The following SLITRK5 variants were observed in gnomAD, a reference collection of about 807,000 sequenced individuals.
SLITRK5 encodes SLIT and NTRK-like protein 5.
Under a neutral mutation model 56.2 loss-of-function variants are expected in SLITRK5, and 23 were observed. The ratio of observed to expected loss-of-function variants is 0.41; its 90% CI spans 0.29 to 0.58. SLITRK5 has a LOEUF of 0.58. Among genes scored for constraint, SLITRK5 ranks in the 20% least tolerant of loss-of-function variants. The pLI is 0.30. For synonymous variants in SLITRK5, 637 were observed against 531.8 expected, an observed-to-expected ratio of 1.20 and a Z score of -2.72; for missense variants, 1,289 against 1,226.6, an observed-to-expected ratio of 1.05 and a Z score of -0.76.
chr13:87,677,632 G>A lies in SLITRK5; in HGVS notation c.2244G>A (p.Val748=), dbSNP rs904400797. The A allele has an allele frequency of 1.2e-5, 19 of 1,609,252 alleles. No homozygotes were observed. The highest frequency in any genetic ancestry group is 1.5e-5 in the Non-Finnish European group (18 of 1,176,618). The change falls in exon 2 of 2, where the codon GTG becomes GTA. Residue 748 remains valine (V), a synonymous_variant. Transcript: ENST00000683689. The surrounding 1 kb of genome is among the most constrained non-coding windows in gnomAD (Gnocchi z 4.7). ...AGGTGAAGACGCCCGCGGGCCACGT[G>A]TATGAATACATCCCCCACCCACTGG... ...LPKVKTPAGH[V]YEYIPHPLGH... is the part of the protein sequence containing the mutation.
Position 87,671,625 on chromosome 13 carries a change from GC to G in SLITRK5, c.-585del, listed in dbSNP as rs372839788. On this transcript the variant is annotated 5_prime_UTR_variant, in exon 1 of 2. Coordinates refer to ENST00000683689, the MANE Select transcript of SLITRK5 (RefSeq NM_001384609.1). ...GCATAGAACGACGCGGTTGCTGCCC[GC>G]CCCCCCCTTCCCCCAGAAACCCCAA... 2.4e-4 allele frequency among the ~76,000 whole-genome samples: 36 copies of G among 149,528 alleles called. No homozygotes were observed. Among genetic ancestry groups the G allele is most frequent in the Admixed American group, 5.3e-4 (8 of 14,994 alleles).
intron 1 of SLITRK5, among the ~76,000 whole-genome samples, 123 bp downstream of exon 1, chr13:87,672,332 C>A (rs1390072441): frequency 6.6e-6 from 1 of 152,086 alleles, no homozygotes; most frequent in Non-Finnish European, 1.5e-5. Flanking sequence ...GAGCGCTCGG[C>A]GGGGCTGACC....
chr13:87,676,801 G>T lies in SLITRK5; in HGVS notation c.1413G>T (p.Arg471Ser), dbSNP rs200806245. The T allele has an allele frequency of 2.2e-5, 36 of 1,614,074 alleles. No individual in the cohort carries two copies. The African/African-American group carries it at 4.5e-4, about 20-fold the overall frequency. ...ACCTGAATGGCAACAGGATCGAGAG[G>T]CTGAGCCCGGAGTTATTCTATGGCC... is the stretch of plus-strand genomic sequence containing the variant. ...RLYLNGNRIE[R>S]LSPELFYGLQ... The change falls in exon 2 of 2, where the codon AGG becomes AGT. Residue 471 changes from arginine to serine, a missense_variant. By Grantham distance (110) the Arg-to-Ser change is moderately radical. This residue lies in a region of SLITRK5 where 985 missense variants were observed against 906.0 expected (regional missense o/e 1.09). Coordinates refer to ENST00000683689, the MANE Select transcript of SLITRK5 (RefSeq NM_001384609.1).
rs375394816 is a variant in SLITRK5 at position 87,677,581 on chromosome 13, G to T, written c.2193G>T (p.Val731=). The change falls in exon 2 of 2, where the codon GTG becomes GTT. Residue 731 remains valine (V), a synonymous_variant. Coordinates refer to ENST00000683689, the MANE Select transcript of SLITRK5 (RefSeq NM_001384609.1). This position sits in a 1 kb window ranked among gnomAD's most constrained non-coding sequence, Gnocchi z 4.7. ...GGTGGHPHAH[V]HHRGPALPKV... ...CGGGCGGCCACCCACACGCGCACGT[G>T]CATCACCGCGGGCCCGCGCTGCCCA... 3 of 1,609,700 alleles carry T rather than the reference G, an allele frequency of 1.9e-6. No individual in the cohort carries two copies. Among genetic ancestry groups the T allele is most frequent in the Admixed American group, 1.7e-5 (1 of 59,870 alleles).
Position 87,677,160 on chromosome 13 carries a change from T to A in SLITRK5, c.1772T>A (p.Ile591Asn). Residue 591 changes from isoleucine (I) to asparagine (N), a missense_variant, in exon 2 of 2, where the codon ATC (isoleucine) becomes AAC (asparagine). Transcript: ENST00000683689. This position sits in a 1 kb window ranked among gnomAD's most constrained non-coding sequence, Gnocchi z 4.7. The stretch of plus-strand genomic sequence containing the variant: ...GTGGGCGTCCTAGTGGACGAGGTGA[T>A]CTGTAAGGCGCCCAAAAAATTCGCT... ...LKVGVLVDEV[I>N]CKAPKKFAET... The A allele has an allele frequency of 3.1e-6, 5 of 1,614,140 alleles. No individual in the cohort carries two copies. Among genetic ancestry groups the A allele is most frequent in the Non-Finnish European group, 4.2e-6 (5 of 1,180,020 alleles).
chr13:87,675,468 C>T lies in SLITRK5; in HGVS notation c.80C>T (p.Ala27Val), dbSNP rs768014176. ...KMHSWMLQTL[A>V]FAVTSLVLSC... ...CATAGCTGGATGCTGCAGACTCTAGCGTTTGCTGTAACATCTCTCGTCCTT... is the reference window on the plus strand; with the variant it reads ...CATAGCTGGATGCTGCAGACTCTAGTGTTTGCTGTAACATCTCTCGTCCTT... The change falls in exon 2 of 2, where the codon GCG becomes GTG. Residue 27 changes from alanine (A) to valine (V), a missense_variant. Physicochemically the swap from Ala to Val is moderately conservative, Grantham distance 64 (BLOSUM62 0). Transcript: ENST00000683689. 9.3e-6 allele frequency: 15 copies of T among 1,614,124 alleles called. No homozygotes were observed. In the South Asian group the frequency reaches 1.4e-4, roughly 15 times the overall value.
Position 87,671,818 on chromosome 13 carries a change from A to G in SLITRK5, c.-400A>G, listed in dbSNP as rs1877038926. Among the ~76,000 whole-genome samples, 1 of 151,926 alleles carries G rather than the reference A, an allele frequency of 6.6e-6. No individual in the cohort carries two copies. The highest frequency in any genetic ancestry group is 2.4e-5 in the African/African-American group (1 of 41,360). On this transcript the variant is annotated 5_prime_UTR_variant, in exon 1 of 2. Transcript: ENST00000683689. Reference sequence around the variant, plus strand: ...CGCGGCGGCGGCGGGCTCGGCGCGGAGACAGCGTCGGCGGGATCCCAGCGC... The same window carrying G: ...CGCGGCGGCGGCGGGCTCGGCGCGGGGACAGCGTCGGCGGGATCCCAGCGC...
chr13:87,676,728 T>A lies in SLITRK5; in HGVS notation c.1340T>A (p.Met447Lys), dbSNP rs1188065582. The A allele has an allele frequency of 5.6e-6, 9 of 1,613,972 alleles. No homozygotes were observed. Among genetic ancestry groups the A allele is most frequent in the African/African-American group, 1.3e-5 (1 of 74,908 alleles). ...LLHLGNNRIS[M>K]IQDRAFGDLT... Reference sequence around the variant, plus strand: ...CACCTGGGGAATAACCGCATCTCGATGATCCAGGACCGCGCTTTCGGGGAT... The same window carrying A: ...CACCTGGGGAATAACCGCATCTCGAAGATCCAGGACCGCGCTTTCGGGGAT... The change falls in exon 2 of 2, where the codon ATG (methionine) becomes AAG (lysine). Residue 447 changes from methionine (M) to lysine (K), a missense_variant. By Grantham distance (95) the Met-to-Lys change is moderately conservative. Around this residue, in one of 3 missense-constraint regions of SLITRK5, gnomAD observed 985 missense variants for 906.0 expected, o/e 1.09. Coordinates refer to ENST00000683689, the MANE Select transcript of SLITRK5 (RefSeq NM_001384609.1).
In SLITRK5 at chr13:87,677,881, C is replaced by T. The variant is rs540630942; in HGVS notation, c.2493C>T (p.Pro831=). 109 of 1,611,912 alleles carry T rather than the reference C, an allele frequency of 6.8e-5. No individual in the cohort carries two copies. In the Middle Eastern group the frequency reaches 1.2e-3, roughly 17 times the overall value. The part of the protein sequence containing the change: ...ERRESHHLRS[P]AYSVSTIEPR... ...GGGAAAGCCACCACTTGCGGAGCCC[C>T]GCCTACAGCGTCAGCACCATCGAGC... The change falls in exon 2 of 2, where the codon CCC becomes CCT. Residue 831 remains proline, a synonymous_variant. Coordinates refer to ENST00000683689, the MANE Select transcript of SLITRK5 (RefSeq NM_001384609.1). The surrounding 1 kb of genome is among the most constrained non-coding windows in gnomAD (Gnocchi z 4.7).
At chr13:87,673,007 G>A (rs1877110194) in intron 1 of SLITRK5, among the ~76,000 whole-genome samples, 1 of 150,588 alleles carries the variant, frequency 6.6e-6, no homozygotes. Context: ...GGGGAGCCTC[G>A]CGTCCTGGAA....
rs1165874564 is a variant in SLITRK5, at chr13:87,671,483, G to A, written c.-735G>A. Among the ~76,000 whole-genome samples the A allele has an allele frequency of 6.6e-6, 1 of 152,074 alleles. No individual in the cohort carries two copies. The highest frequency in any genetic ancestry group is 1.9e-4 in the East Asian group (1 of 5,140). On this transcript the variant is annotated 5_prime_UTR_variant, in exon 1 of 2. Transcript: ENST00000683689. ...TGGGCCCTGCACCCGCTCCGGAGCA[G>A]CTGTCTCAGAGACCCGGTGTTGCTT...
chr13:87,675,334 A>T (rs1593971957), intron 1 of SLITRK5, 47 bp from the exon 2 acceptor site: 5 of 1,405,256 alleles, frequency 3.6e-6, no homozygotes, highest in South Asian at 1.2e-5. Flanking sequence ...GATCCCTTAA[A>T]TTTTTGTCAT....
chr13:87,678,147 C>CG lies in SLITRK5; in HGVS notation c.2760dup (p.Ser921GlufsTer22). 1 of 1,614,168 alleles carries CG rather than the reference C, an allele frequency of 6.2e-7. No homozygotes were observed. The highest frequency in any genetic ancestry group is 8.5e-7 in the Non-Finnish European group (1 of 1,180,022). ...CGGGAACCGGTGCTCTACAGCCCCC[C>CG]GAGTGCTGTCTTTGTAGAACCCAAC... On this transcript the variant is annotated frameshift_variant, in exon 2 of 2. Transcript: ENST00000683689.
In SLITRK5 at chr13:87,679,046, T is replaced by C. The variant is rs975521396; in HGVS notation, c.*781T>C. ...CCTCTTTCCTTCACTATTTAGCCTATGATTTTGCAGAGGTGTCACACTGTA... is the reference window on the plus strand; with the variant it reads ...CCTCTTTCCTTCACTATTTAGCCTACGATTTTGCAGAGGTGTCACACTGTA... On this transcript the variant is annotated 3_prime_UTR_variant, in exon 2 of 2. Coordinates refer to ENST00000683689, the MANE Select transcript of SLITRK5 (RefSeq NM_001384609.1). 3 of 166,860 alleles carry C rather than the reference T, an allele frequency of 1.8e-5. No individual in the cohort carries two copies. Among genetic ancestry groups the C allele is most frequent in the Non-Finnish European group, 4.4e-5 (3 of 68,116 alleles). The allele number at this position is 166,860 out of a possible 1,614,324, so 10.3% of individuals were successfully genotyped here. A position where few individuals can be genotyped will look rare whatever the true frequency, so the allele number is the denominator to read the frequency against.
Position 87,672,459 on chromosome 13 carries a change from C to T in SLITRK5, c.-9+250C>T, listed in dbSNP as rs1200445223. ...CGCCCCGCCCGGCTCCGGCTCCCGG[C>T]CCCTACCGCGAGGCGCCTCTCCAGC... On this transcript the variant is annotated intron_variant, in intron 1 of 1. Coordinates refer to ENST00000683689, the MANE Select transcript of SLITRK5 (RefSeq NM_001384609.1). Among the ~76,000 whole-genome samples, 18 of 148,694 alleles carry T rather than the reference C, an allele frequency of 1.2e-4. No homozygotes were observed. The East Asian group carries it at 2.9e-3, about 24-fold the overall frequency.
chr13:87,679,214 C>T lies in SLITRK5; in HGVS notation c.*949C>T. ...TGCATTTTCTTTTAAGAAAACAGAG[C>T]TGATTGTATCCCAATGTATTTTAAA... On this transcript the variant is annotated 3_prime_UTR_variant, in exon 2 of 2. Coordinates refer to ENST00000683689, the MANE Select transcript of SLITRK5 (RefSeq NM_001384609.1). 6.0e-6 allele frequency: 1 copy of T among 167,102 alleles called. No homozygotes were observed. 10.4% of individuals were successfully genotyped at this position (167,102 alleles called of 1,614,324 possible).
At position 87,677,782 on chromosome 13, in the gene SLITRK5, GC is replaced by G. The variant is rs1566321832; in HGVS notation, c.2396del (p.Pro799ArgfsTer61). The part of the protein sequence containing the change: ...NHHLQQQQQP[P>X]PPPQQPQQQP... ...ACCACCTGCAGCAGCAGCAGCAGCCGCCGCCGCCACCGCAGCAGCCACAGCA... is the reference window on the plus strand; with the variant it reads ...ACCACCTGCAGCAGCAGCAGCAGCCGCGCCGCCACCGCAGCAGCCACAGCA... On this transcript the variant is annotated frameshift_variant, in exon 2 of 2. Transcript: ENST00000683689. The surrounding 1 kb of genome is among the most constrained non-coding windows in gnomAD (Gnocchi z 4.7). 2 of 1,609,722 alleles carry G rather than the reference GC, an allele frequency of 1.2e-6. No homozygotes were observed. The highest frequency in any genetic ancestry group is 3.3e-5 in the Admixed American group (2 of 59,846).
Position 87,675,901 on chromosome 13 carries a change from T to C in SLITRK5, c.513T>C (p.Asn171=). The change falls in exon 2 of 2, where the codon AAT becomes AAC. Residue 171 remains asparagine (N), a synonymous_variant. Transcript: ENST00000683689. ...ACTACATCAGCGTCATTGAACCCAA[T>C]GCTTTTGGGAAACTGCATTTGTTGC... ...DYNYISVIEP[N]AFGKLHLLQV... The C allele has an allele frequency of 2.5e-6, 4 of 1,614,160 alleles. No individual in the cohort carries two copies. The highest frequency in any genetic ancestry group is 2.2e-5 in the South Asian group (2 of 91,084).
chr13:87,679,178 C>A lies in SLITRK5; in HGVS notation c.*913C>A, dbSNP rs991283816. On this transcript the variant is annotated 3_prime_UTR_variant, in exon 2 of 2. Transcript: ENST00000683689. ...ATCTTTAAAAGCCAATGCAACCCAC[C>A]CAATTGAATCTGCATTTTCTTTTAA... is the stretch of plus-strand genomic sequence containing the variant. The A allele has an allele frequency of 1.2e-5, 2 of 166,808 alleles. No individual in the cohort carries two copies. Among genetic ancestry groups the A allele is most frequent in the Non-Finnish European group, 1.5e-5 (1 of 68,084 alleles). The allele number at this position is 166,808 out of a possible 1,614,324, so 10.3% of individuals were successfully genotyped here.
Sources: allele counts gnomAD v4.1 joint callset (sites outside exome capture counted in the v4.1 genomes callset), GRCh38; gene constraint gnomAD v4.1.1; regional missense constraint gnomAD v4.1.1; non-coding constraint Gnocchi (gnomAD v3.1); transcripts MANE v1.5; gene names NCBI Gene and HGNC (gene_info 2026-07-23, HGNC 2026-07-21).